The following FHOD3 variants were observed in gnomAD, a reference collection of about 807,000 sequenced individuals.
FHOD3 encodes the protein FH1/FH2 domain-containing protein 3.
FHOD3 carries 90 observed loss-of-function variants against 173.0 expected under a neutral mutation model. The ratio of observed to expected loss-of-function variants is 0.52; its 90% confidence interval spans 0.44 to 0.62. The LOEUF (loss-of-function observed/expected upper bound fraction) is 0.62. Among genes scored for constraint, FHOD3 ranks in the 20% least tolerant of loss-of-function variants. The pLI, the probability that FHOD3 is intolerant of heterozygous loss-of-function variation, is 0.00. For missense variants in FHOD3, 1,945 were observed against 2,034.7 expected (o/e 0.96, Z 0.85); for synonymous variants, 828 against 823.0 (o/e 1.01, Z -0.10).
intron 19 of FHOD3, 36 bp from the exon 20 acceptor site, chr18:36,730,610 T>C (rs772484564): frequency 4.4e-6 from 7 of 1,594,324 alleles, no homozygotes; most frequent in African/African-American, 1.3e-5. Flanking sequence ...CCCAAGATGA[T>C]GCATTAATCT....
At chr18:36,658,328 G>A in intron 14 of FHOD3, 140 bp downstream of exon 14, 1 of 584,316 alleles carries the variant, frequency 1.7e-6, no homozygotes, top group Non-Finnish European at 2.9e-6. Flanking sequence ...CCGAAGCCAG[G>A]AATATTTTCT....
chr18:36,396,882 T>G (rs1299915199), intron 3 of FHOD3, among the ~76,000 whole-genome samples: 1 of 152,090 alleles, frequency 6.6e-6, no homozygotes, highest in Non-Finnish European at 1.5e-5. Context: ...TCACATTTTT[T>G]TTTTAACTTC....
At chr18:36,627,190 T>C (rs1167798153) in intron 10 of FHOD3, among the ~76,000 whole-genome samples, 1 of 152,236 alleles carries the variant, frequency 6.6e-6, no homozygotes, top group Non-Finnish European at 1.5e-5. Flanking sequence ...CGAAGCTCTC[T>C]TCCAGCTGGC....
intron 16 of FHOD3, among the ~76,000 whole-genome samples, chr18:36,690,034 G>A (rs912734906): frequency 1.3e-5 from 2 of 152,108 alleles, no homozygotes; most frequent in Admixed American, 1.3e-4. Context: ...TTTCTGTAGG[G>A]CCCTGTGAAA....
chr18:36,752,263 A>G (rs2042434105), intron 24 of FHOD3, among the ~76,000 whole-genome samples: 1 of 152,172 alleles, frequency 6.6e-6, no homozygotes, highest in Non-Finnish European at 1.5e-5. Flanking sequence ...CAGCCAAACC[A>G]TATCAAAAGC....
At chr18:36,668,484 A>G (rs935155119) in intron 14 of FHOD3, among the ~76,000 whole-genome samples, 20 of 151,626 alleles carry the variant, frequency 1.3e-4, no homozygotes, top group Admixed American at 6.6e-5. Flanking sequence ...GGTTTCATTT[A>G]ATTTTTATAC....
At chr18:36,755,749 A>G (rs1220733219) in intron 25 of FHOD3, among the ~76,000 whole-genome samples, 1 of 152,196 alleles carries the variant, frequency 6.6e-6, no homozygotes, top group African/African-American at 2.4e-5. Context: ...TGTGTAACCA[A>G]TCAGTTGACA....
At chr18:36,305,955 A>G (rs1046578743) in intron 1 of FHOD3, among the ~76,000 whole-genome samples, 2 of 152,212 alleles carry the variant, frequency 1.3e-5, no homozygotes, top group South Asian at 2.1e-4. Flanking sequence ...ATGTGGTGAC[A>G]TTGGGGTTGA....
chr18:36,393,739 C>T (rs2048415985), intron 3 of FHOD3, among the ~76,000 whole-genome samples: 1 of 152,132 alleles, frequency 6.6e-6, no homozygotes, highest in South Asian at 2.1e-4. Flanking sequence ...CTCTAAGCAG[C>T]TTAAGGAAAT....
chr18:36,772,964 C>T (rs1450244261), intron 28 of FHOD3, among the ~76,000 whole-genome samples: 1 of 152,210 alleles, frequency 6.6e-6, no homozygotes, highest in Non-Finnish European at 1.5e-5. Context: ...AGACACAGGA[C>T]AAGAGGATAA....
chr18:36,480,553 T>C (rs1568328694), intron 3 of FHOD3, among the ~76,000 whole-genome samples: 1 of 152,212 alleles, frequency 6.6e-6, no homozygotes, highest in Non-Finnish European at 1.5e-5. Flanking sequence ...TCAAAGGCCT[T>C]TTCCATTTAC....
At chr18:36,600,996 A>T (rs1165897444) in intron 7 of FHOD3, among the ~76,000 whole-genome samples, 1 of 152,232 alleles carries the variant, frequency 6.6e-6, no homozygotes, top group African/African-American at 2.4e-5. Context: ...CGGCATCCAG[A>T]TATCTTAAAC....
chr18:36,597,780 C>T (rs1052105827), intron 7 of FHOD3, among the ~76,000 whole-genome samples: 17 of 149,168 alleles, frequency 1.1e-4, no homozygotes, highest in African/African-American at 4.0e-4. Flanking sequence ...CTGCTGTTGT[C>T]TGTCTGCTGC....
At chr18:36,717,803 T>C in intron 18 of FHOD3, 29 bp from the exon 19 acceptor site, 1 of 1,527,924 alleles carries the variant, frequency 6.5e-7, no homozygotes, top group African/African-American at 1.4e-5. Context: ...CTTGCCCCTT[T>C]CTCATTTTTC....
intron 18 of FHOD3, among the ~76,000 whole-genome samples, chr18:36,717,135 A>AG (rs1424969087): frequency 2.0e-5 from 3 of 152,046 alleles, no homozygotes; most frequent in African/African-American, 4.8e-5. Flanking sequence ...GGGAGAGTAG[A>AG]GGTGGAAGGG....
At chr18:36,383,376 A>G (rs1275065035) in intron 3 of FHOD3, among the ~76,000 whole-genome samples, 2 of 152,156 alleles carry the variant, frequency 1.3e-5, no homozygotes, top group Non-Finnish European at 2.9e-5. Context: ...CCCACTGGCT[A>G]CTGTTATTGA....
intron 19 of FHOD3, among the ~76,000 whole-genome samples, chr18:36,729,394 C>G (rs958597055): frequency 1.3e-5 from 2 of 152,234 alleles, no homozygotes; most frequent in Non-Finnish European, 2.9e-5. Flanking sequence ...GGTCACAGCT[C>G]TGGCCAGTGA....
chr18:36,341,557 G>A lies in FHOD3; in HGVS notation c.166-13982G>A, dbSNP rs1002135675. ...AGTGAGGAGGCTGAGAAGTTAAGCA[G>A]AGCTAATAGTAGTTTCATTCTGCTG... On this transcript the variant is annotated intron_variant, in intron 1 of 28. Transcript: ENST00000590592. 2.0e-5 allele frequency among the ~76,000 whole-genome samples: 3 copies of A among 152,306 alleles called. No homozygotes were observed. In the East Asian group the frequency reaches 5.8e-4, roughly 29 times the overall value.
chr18:36,438,908 C>T (rs1361732643), intron 3 of FHOD3, among the ~76,000 whole-genome samples: 2 of 152,306 alleles, frequency 1.3e-5, no homozygotes, highest in African/African-American at 4.8e-5. Context: ...TGCAGCCTGT[C>T]CTGAACAACT....
Sources: gnomAD v4.1 joint callset for allele counts (sites outside exome capture counted in the v4.1 genomes callset) on GRCh38, gnomAD v4.1.1 for gene constraint, MANE v1.5 for transcripts, NCBI Gene and HGNC (gene_info 2026-07-23, HGNC 2026-07-21) for gene names.